GSE1: variants seen among roughly 807,000 people sequenced by gnomAD.
The protein encoded by GSE1 is Gse1 coiled-coil protein.
GSE1 carries 32 observed loss-of-function variants against 112.6 expected under a neutral mutation model. That is an observed-to-expected ratio of 0.28 (90% CI 0.21 to 0.38). The LOEUF is 0.38. Among genes scored for constraint, GSE1 ranks in the 10% least tolerant of loss-of-function variants. The probability of loss-of-function intolerance (pLI) is 1.00; values close to 1 mark genes in which losing one functional copy is unlikely to be tolerated. For synonymous variants in GSE1, 1,115 were observed against 735.6 expected (o/e 1.52, Z -8.35); for missense variants, 2,348 against 1,699.2 (o/e 1.38, Z -6.71).
At chr16:85,218,862 T>C (rs2075345462) in intron 1 of GSE1, among the ~76,000 whole-genome samples, 1 of 152,232 alleles carries the variant, frequency 6.6e-6, no homozygotes, top group East Asian at 1.9e-4. Context: ...CCTTCCTATG[T>C]ATTCTGACAG....
chr16:85,434,560 G>A lies in GSE1; in HGVS notation c.2464+76917G>A, dbSNP rs554674295. Among the ~76,000 whole-genome samples the A allele has an allele frequency of 8.5e-5, 13 of 152,316 alleles. No homozygotes were observed. In the East Asian group the frequency reaches 2.1e-3, roughly 25 times the overall value. ...AGGCTGGTCACGGCAGCTCATGCCTGTAATCCCAGCACTTGGGGAGGCTGA... is the reference window on the plus strand; with the variant it reads ...AGGCTGGTCACGGCAGCTCATGCCTATAATCCCAGCACTTGGGGAGGCTGA... On this transcript the variant is annotated intron_variant, in intron 2 of 2. Transcript: ENST00000637419.
At position 85,654,938 on chromosome 16, in the gene GSE1, C is replaced by G. The variant is rs966838024; in HGVS notation, c.744C>G (p.Ala248=). The G allele has an allele frequency of 6.2e-7, 1 of 1,610,824 alleles. No homozygotes were observed. The highest frequency in any genetic ancestry group is 2.2e-5 in the East Asian group (1 of 44,872). Residue 248 remains alanine, a synonymous_variant, in exon 5 of 16, where the codon GCC becomes GCG. Coordinates refer to ENST00000253458, the MANE Select transcript of GSE1 (RefSeq NM_014615.5). ...GCCTGGACCCGGCCACTGCTGCAGC[C>G]TACTACCACCCCAGCTACCTGGCCC... ...PLGLDPATAA[A]YYHPSYLAPH...
At chr16:85,600,870 G>A (rs1209392737) in intron 1 of GSE1, among the ~76,000 whole-genome samples, 1 of 152,092 alleles carries the variant, frequency 6.6e-6, no homozygotes, top group Non-Finnish European at 1.5e-5. Context: ...ATGAGGGTTT[G>A]TGTCCTCCTA....
At chr16:85,286,541 C>T (rs953007184) in intron 1 of GSE1, among the ~76,000 whole-genome samples, 23 of 152,264 alleles carry the variant, frequency 1.5e-4, no homozygotes, top group African/African-American at 4.3e-4. Context: ...TATTGTAGTG[C>T]GGCTGGCCCG....
intron 2 of GSE1, among the ~76,000 whole-genome samples, chr16:85,525,952 C>T (rs2052351747): frequency 6.6e-6 from 1 of 152,194 alleles, no homozygotes; most frequent in Non-Finnish European, 1.5e-5. Context: ...AGCCAGCAGC[C>T]TTGGACTGGC....
At chr16:85,619,710 G>A (rs921746428) in intron 1 of GSE1, among the ~76,000 whole-genome samples, 28 of 152,244 alleles carry the variant, frequency 1.8e-4, no homozygotes, top group Admixed American at 3.3e-4. Context: ...GGGTCACGCC[G>A]TGGGCTGTGC....
intron 2 of GSE1, among the ~76,000 whole-genome samples, chr16:85,372,025 T>C (rs532189230): frequency 6.6e-6 from 1 of 152,286 alleles, no homozygotes; most frequent in Admixed American, 6.5e-5. Flanking sequence ...CAGGTGTGTG[T>C]GGCACAGGTG....
Position 85,654,269 on chromosome 16 carries a change from C to G in GSE1, c.427-9C>G, listed in dbSNP as rs1425521427. 1.3e-6 allele frequency: 2 copies of G among 1,584,766 alleles called. No individual in the cohort carries two copies. The highest frequency in any genetic ancestry group is 1.7e-6 in the Non-Finnish European group (2 of 1,166,764). On this transcript the variant is annotated splice_polypyrimidine_tract_variant and intron_variant, in intron 3 of 15. Coordinates refer to ENST00000253458, the MANE Select transcript of GSE1 (RefSeq NM_014615.5). ...GCTCCTGCCCTGACTGGACGCTCTCCTCCCGCAGGATGCCGGCTCCAGGAG... is the reference window on the plus strand; with the variant it reads ...GCTCCTGCCCTGACTGGACGCTCTCGTCCCGCAGGATGCCGGCTCCAGGAG...
At chr16:85,357,415 C>G in intron 1 of GSE1, 1 of 1,116,914 alleles carries the variant, frequency 9.0e-7, no homozygotes, top group East Asian at 6.5e-5. Context: ...TGCATCATCC[C>G]CTGCAGGCAT....
intron 2 of GSE1, among the ~76,000 whole-genome samples, chr16:85,507,890 G>C (rs1404190228): frequency 6.6e-6 from 1 of 152,180 alleles, no homozygotes; most frequent in African/African-American, 2.4e-5. Context: ...CATCAGAAGA[G>C]TTGCGAGCAC....
At chr16:85,536,270 G>A (rs1002593029) in intron 2 of GSE1, among the ~76,000 whole-genome samples, 1 of 152,238 alleles carries the variant, frequency 6.6e-6, no homozygotes, top group African/African-American at 2.4e-5. Context: ...GTGGTGCTCA[G>A]GAGGTGTCGA....
chr16:85,445,442 G>T (rs376711397), intron 2 of GSE1, among the ~76,000 whole-genome samples: 80 of 152,324 alleles, frequency 5.3e-4, no homozygotes, highest in African/African-American at 1.7e-3. Flanking sequence ...CACAGCGAGG[G>T]GGGGCGGCCA....
chr16:85,356,725 C>G (rs371186450), intron 1 of GSE1, among the ~76,000 whole-genome samples: 1 of 152,216 alleles, frequency 6.6e-6, no homozygotes, highest in African/African-American at 2.4e-5. Flanking sequence ...CTCTTAGGCT[C>G]AAGCCATCCT....
chr16:85,466,065 C>A (rs2050112488), intron 2 of GSE1, among the ~76,000 whole-genome samples: 1 of 152,176 alleles, frequency 6.6e-6, no homozygotes, highest in African/African-American at 2.4e-5. Flanking sequence ...TCCTTTGGGG[C>A]CCAGAGGGCA....
intron 1 of GSE1, among the ~76,000 whole-genome samples, chr16:85,174,283 A>G (rs908652369): frequency 6.6e-6 from 1 of 152,252 alleles, no homozygotes; most frequent in African/African-American, 2.4e-5. Context: ...GGGAGCAATA[A>G]CAATTTCTTG....
intron 1 of GSE1, among the ~76,000 whole-genome samples, chr16:85,310,243 G>T (rs1343148557): frequency 6.6e-6 from 1 of 152,216 alleles, no homozygotes; most frequent in Non-Finnish European, 1.5e-5. Flanking sequence ...GGTGCGTGAG[G>T]CGTGTAACTG....
chr16:85,613,414 C>G lies in GSE1; in HGVS notation c.7+16C>G, dbSNP rs1004366819. ...GGCATGAAAGGTGAGCGCGCCGCAC[C>G]CGGCCGGGGACGGGGTCCTCCCCCC... is the stretch of plus-strand genomic sequence containing the variant. On this transcript the variant is annotated intron_variant, in intron 1 of 15. Transcript: ENST00000253458. 1.7e-5 allele frequency: 26 copies of G among 1,553,332 alleles called. No homozygotes were observed. The highest frequency in any genetic ancestry group is 2.2e-5 in the Non-Finnish European group (25 of 1,149,430).
At chr16:85,298,243 G>A (rs1447385483) in intron 1 of GSE1, among the ~76,000 whole-genome samples, 1 of 152,120 alleles carries the variant, frequency 6.6e-6, no homozygotes, top group African/African-American at 2.4e-5. Flanking sequence ...GAGTCTGAGA[G>A]CCTGGCCCCA....
At position 85,674,973 on chromosome 16, in the gene GSE1, A is replaced by G. The variant is rs2053603300; in HGVS notation, c.*2434A>G. 6.6e-6 allele frequency: 1 copy of G among 152,634 alleles called. No individual in the cohort carries two copies. Among genetic ancestry groups the G allele is most frequent in the African/African-American group, 2.4e-5 (1 of 41,448 alleles). 9.5% of individuals were successfully genotyped at this position (152,634 alleles called of 1,614,324 possible). A position where few individuals can be genotyped will look rare whatever the true frequency, so the allele number is the denominator to read the frequency against. On this transcript the variant is annotated 3_prime_UTR_variant, in exon 16 of 16. Coordinates refer to ENST00000253458, the MANE Select transcript of GSE1 (RefSeq NM_014615.5). ...ACCAGTAAGGCAACACGAATAAACT[A>G]AGAAAAAGGTAAGAACTGTCTCAAA...
Sources: gnomAD v4.1 joint callset for allele counts (sites outside exome capture counted in the v4.1 genomes callset) on GRCh38, gnomAD v4.1.1 for gene constraint, MANE v1.5 for transcripts, NCBI Gene and HGNC (gene_info 2026-07-23, HGNC 2026-07-21) for gene names.